TRAPPC9: variants seen among roughly 807,000 people sequenced by gnomAD.
The protein encoded by TRAPPC9 is trafficking protein particle complex subunit 9.
Under a neutral mutation model 124.0 loss-of-function variants are expected in TRAPPC9, and 83 were observed. The observed-to-expected ratio is 0.67, with a 90% CI of 0.56 to 0.80. The LOEUF (loss-of-function observed/expected upper bound fraction) is 0.80. Among genes scored for constraint, TRAPPC9 ranks in the 30% least tolerant of loss-of-function variants. The probability of loss-of-function intolerance (pLI) is 0.00; values close to 1 mark genes in which losing one functional copy is unlikely to be tolerated. For missense variants in TRAPPC9, 1,302 were observed against 1,508.3 expected (o/e 0.86, Z 2.27); for synonymous variants, 638 against 617.5 (o/e 1.03, Z -0.49).
At chr8:140,349,385 G>A (rs893860985) in intron 9 of TRAPPC9, among the ~76,000 whole-genome samples, 5,240 of 102,886 alleles carry the variant, frequency 0.051, 268 homozygotes, top group Middle Eastern at 0.11. Flanking sequence ...AGGGCACACA[G>A]CGGGGCCGAT....
chr8:139,939,922 T>TGC (rs1292219989), intron 19 of TRAPPC9, among the ~76,000 whole-genome samples: 1 of 152,240 alleles, frequency 6.6e-6, no homozygotes, highest in East Asian at 1.9e-4. Flanking sequence ...GGCCACAGCA[T>TGC]GCGGCTCTGC....
chr8:140,338,245 T>C (rs1182209604), intron 9 of TRAPPC9, among the ~76,000 whole-genome samples: 1 of 152,146 alleles, frequency 6.6e-6, no homozygotes, highest in South Asian at 2.1e-4. Context: ...GCCATACGTA[T>C]AAGCAAAGCC....
chr8:140,397,122 G>A (rs1221596110), intron 7 of TRAPPC9, among the ~76,000 whole-genome samples: 1 of 152,082 alleles, frequency 6.6e-6, no homozygotes, highest in African/African-American at 2.4e-5. Flanking sequence ...TCAATTTTAG[G>A]ATTTAGCATT....
chr8:140,069,216 A>G (rs902434577), intron 17 of TRAPPC9, among the ~76,000 whole-genome samples: 1 of 152,198 alleles, frequency 6.6e-6, no homozygotes, highest in Non-Finnish European at 1.5e-5. Context: ...GAATGTTGCT[A>G]TTCTCTCACC....
rs1311984541 is a variant in TRAPPC9, at chr8:140,114,992, C to T, written c.2557-90913G>A. ...AAGGAGAGAGAAGAATAAAGCAGGA[C>T]ACTTCCTGACTGAAGGAAGCCCACA... On this transcript the variant is annotated intron_variant, in intron 17 of 22. Transcript: ENST00000438773. Among the ~76,000 whole-genome samples the T allele has an allele frequency of 5.3e-5, 8 of 152,296 alleles. No homozygotes were observed. The East Asian group carries it at 1.4e-3, about 26-fold the overall frequency.
chr8:140,233,861 C>A (rs1326946002), intron 16 of TRAPPC9, among the ~76,000 whole-genome samples: 1 of 152,058 alleles, frequency 6.6e-6, no homozygotes, highest in African/African-American at 2.4e-5. Flanking sequence ...GCCTTCCCAG[C>A]CCTTTAAATT....
chr8:140,423,656 AC>A lies in TRAPPC9; in HGVS notation c.886+2958del, dbSNP rs1273745665. Among the ~76,000 whole-genome samples the A allele has an allele frequency of 2.6e-5, 3 of 116,338 alleles. No homozygotes were observed. In the East Asian group the frequency reaches 7.0e-4, roughly 27 times the overall value. 76.3% of individuals were successfully genotyped at this position (116,338 alleles called of 152,430 possible). ...ATACACATATATAACACATATACATACACACATATATACACATATACACATA... is the reference window on the plus strand; with the variant it reads ...ATACACATATATAACACATATACATAACACATATATACACATATACACATA... On this transcript the variant is annotated intron_variant, in intron 5 of 22. Coordinates refer to ENST00000438773, the MANE Select transcript of TRAPPC9 (RefSeq NM_001160372.4).
intron 21 of TRAPPC9, among the ~76,000 whole-genome samples, chr8:139,830,882 G>C (rs1440705242): frequency 6.6e-6 from 1 of 152,242 alleles, no homozygotes; most frequent in East Asian, 1.9e-4. Context: ...CAGGACACCT[G>C]CTCTCCAGGG....
intron 15 of TRAPPC9, among the ~76,000 whole-genome samples, chr8:140,258,356 C>T (rs1563889289): frequency 2.0e-5 from 3 of 152,382 alleles, no homozygotes; most frequent in East Asian, 1.9e-4. Context: ...CTCACACACA[C>T]GGCTGTTGCC....
At position 140,180,176 on chromosome 8, in the gene TRAPPC9, T is replaced by C. The variant is rs574924555; in HGVS notation, c.2556+41283A>G. 2.6e-5 allele frequency among the ~76,000 whole-genome samples: 4 copies of C among 151,942 alleles called. No homozygotes were observed. In the East Asian group the frequency reaches 7.7e-4, roughly 29 times the overall value. ...TCCTCCCTTATTTTATAATTGAATT[T>C]TTTAGGATTCTATTTTATATAGATT... On this transcript the variant is annotated intron_variant, in intron 17 of 22. Coordinates refer to ENST00000438773, the MANE Select transcript of TRAPPC9 (RefSeq NM_001160372.4).
chr8:140,153,975 T>C (rs2061590351), intron 17 of TRAPPC9, among the ~76,000 whole-genome samples: 1 of 152,100 alleles, frequency 6.6e-6, no homozygotes, highest in Non-Finnish European at 1.5e-5. Context: ...TCCCTACTAT[T>C]TACCTGGAAA....
intron 20 of TRAPPC9, among the ~76,000 whole-genome samples, chr8:139,899,458 T>C (rs1430496429): frequency 3.9e-5 from 6 of 152,106 alleles, no homozygotes; most frequent in Non-Finnish European, 8.8e-5. Context: ...AAGTGGACCA[T>C]CCTTCATCCT....
At position 140,390,716 on chromosome 8, in the gene TRAPPC9, C is replaced by T. The variant is rs111736120; in HGVS notation, c.1134+6904G>A. On this transcript the variant is annotated intron_variant, in intron 7 of 22. Transcript: ENST00000438773. ...GAGAGATTTCCTTATATGCCTCTTA[C>T]TCTCTCCTAAAGACAAGGTGCAATA... 4.8e-3 allele frequency among the ~76,000 whole-genome samples: 736 copies of T among 152,302 alleles called. 4 individuals carry two copies. The highest frequency in any genetic ancestry group is 0.017 in the Middle Eastern group (5 of 294).
chr8:139,996,770 C>CG (rs1173966524), intron 18 of TRAPPC9, among the ~76,000 whole-genome samples: 1 of 152,164 alleles, frequency 6.6e-6, no homozygotes, highest in Non-Finnish European at 1.5e-5. Flanking sequence ...GACAGAGTCT[C>CG]GCTCTGTCAC....
At chr8:140,050,668 T>A (rs1841932396) in intron 17 of TRAPPC9, among the ~76,000 whole-genome samples, 1 of 151,974 alleles carries the variant, frequency 6.6e-6, no homozygotes, top group South Asian at 2.1e-4. Flanking sequence ...GAAATGCTCA[T>A]GAAATGTCTA....
Position 140,110,319 on chromosome 8 carries a change from CT to C in TRAPPC9, c.2557-86241del, listed in dbSNP as rs779893347. Among the ~76,000 whole-genome samples, 4 of 14,116 alleles carry C rather than the reference CT, an allele frequency of 2.8e-4. No homozygotes were observed. The African/African-American group carries it at 3.3e-3, about 12-fold the overall frequency. 9.3% of individuals were successfully genotyped at this position (14,116 alleles called of 152,430 possible). On this transcript the variant is annotated intron_variant, in intron 17 of 22. Transcript: ENST00000438773. ...CAGCAGCTCCCCCTACAGCAGCTCCCTCCTGCAGCAGCTCCCTCCTGCAGCA... is the reference window on the plus strand; with the variant it reads ...CAGCAGCTCCCCCTACAGCAGCTCCCCCTGCAGCAGCTCCCTCCTGCAGCA...
chr8:140,113,533 G>C (rs777040897), intron 17 of TRAPPC9, among the ~76,000 whole-genome samples: 1 of 152,220 alleles, frequency 6.6e-6, no homozygotes, highest in Admixed American at 6.5e-5. Context: ...AGGGTTGCAG[G>C]AGCAGGCACC....
At chr8:140,307,771 G>C (rs1051946748) in intron 10 of TRAPPC9, among the ~76,000 whole-genome samples, 1 of 152,172 alleles carries the variant, frequency 6.6e-6, no homozygotes, top group African/African-American at 2.4e-5. Context: ...TCCCTATTAA[G>C]CAAAAGATAG....
rs141630095 is a variant in TRAPPC9 at position 139,994,030 on chromosome 8, T to C, written c.2700-5194A>G. ...TAGACAAATTGATACCTCCTAGACATTTATTTATGTTTCTTATACTTGAAA... is the reference window on the plus strand; with the variant it reads ...TAGACAAATTGATACCTCCTAGACACTTATTTATGTTTCTTATACTTGAAA... On this transcript the variant is annotated intron_variant, in intron 18 of 22. Coordinates refer to ENST00000438773, the MANE Select transcript of TRAPPC9 (RefSeq NM_001160372.4). Among the ~76,000 whole-genome samples the C allele has an allele frequency of 4.8e-3, 730 of 152,296 alleles. 4 individuals are homozygous for C. Among genetic ancestry groups the C allele is most frequent in the African/African-American group, 0.017 (694 of 41,554 alleles).
Sources: gnomAD v4.1 joint callset for allele counts (sites outside exome capture counted in the v4.1 genomes callset) on GRCh38, gnomAD v4.1.1 for gene constraint, MANE v1.5 for transcripts, NCBI Gene and HGNC (gene_info 2026-07-23, HGNC 2026-07-21) for gene names.